The following ALMS1 variants were observed in gnomAD, a reference collection of about 807,000 sequenced individuals.
ALMS1 encodes the protein centrosome-associated protein ALMS1.
Under a neutral mutation model 352.2 loss-of-function variants are expected in ALMS1, and 271 were observed. The observed-to-expected ratio is 0.77, with a 90% CI of 0.70 to 0.85. The LOEUF (loss-of-function observed/expected upper bound fraction) is 0.85, where lower values mean the gene tolerates loss of function less well. ALMS1 is among the 40% of genes least tolerant of loss of function. ALMS1 has a pLI of 0.00. For synonymous variants in ALMS1, 1,865 were observed against 1,761.2 expected, an observed-to-expected ratio of 1.06 and a Z score of -1.48; for missense variants, 5,445 against 4,870.7, an observed-to-expected ratio of 1.12 and a Z score of -3.51.
intron 9 of ALMS1, chr2:73,469,564 A>G (rs909194242): frequency 6.6e-6 from 1 of 151,994 alleles, no homozygotes; most frequent in Admixed American, 6.6e-5. Flanking sequence ...AGAAGCGTGT[A>G]ACAGATTAAA....
intron 11 of ALMS1, among the ~76,000 whole-genome samples, chr2:73,528,206 C>T (rs950636390): frequency 2.6e-5 from 4 of 152,154 alleles, no homozygotes; most frequent in African/African-American, 4.8e-5. Flanking sequence ...GTGCTGAGAA[C>T]AATGTGTATT....
chr2:73,417,477 C>T (rs1671200636), intron 2 of ALMS1, among the ~76,000 whole-genome samples: 1 of 152,058 alleles, frequency 6.6e-6, no homozygotes, highest in Non-Finnish European at 1.5e-5. Flanking sequence ...TTAGTTGTGA[C>T]CATATATGTG....
chr2:73,465,825 G>T (rs1038306326), intron 9 of ALMS1, among the ~76,000 whole-genome samples: 5 of 152,204 alleles, frequency 3.3e-5, no homozygotes, highest in African/African-American at 1.2e-4. Flanking sequence ...GTGGGTGAAG[G>T]ATATGAACAG....
intron 2 of ALMS1, among the ~76,000 whole-genome samples, chr2:73,416,643 C>T (rs1671186642): frequency 1.3e-5 from 2 of 152,056 alleles, no homozygotes; most frequent in African/African-American, 4.8e-5. Flanking sequence ...TAAAAGATAC[C>T]TATATTCTCT....
At chr2:73,602,498 G>T in intron 20 of ALMS1, 130 bp downstream of exon 20, 1 of 1,088,262 alleles carries the variant, frequency 9.2e-7, no homozygotes, top group Non-Finnish European at 1.4e-6. Context: ...TGCTTGCCAA[G>T]ACTCAAACCT....
intron 9 of ALMS1, among the ~76,000 whole-genome samples, chr2:73,486,804 T>G (rs1672857915): frequency 6.6e-6 from 1 of 152,116 alleles, no homozygotes; most frequent in African/African-American, 2.4e-5. Flanking sequence ...ATCCCAGCAC[T>G]TTGGGGAGGC....
intron 2 of ALMS1, among the ~76,000 whole-genome samples, chr2:73,409,113 A>C (rs2103677190): frequency 6.6e-6 from 1 of 152,046 alleles, no homozygotes; most frequent in South Asian, 2.1e-4. Flanking sequence ...TTGGCCTCAA[A>C]TGATCCTTCG....
chr2:73,506,790 G>A (rs1673337030), intron 10 of ALMS1, among the ~76,000 whole-genome samples: 1 of 152,066 alleles, frequency 6.6e-6, no homozygotes, highest in South Asian at 2.1e-4. Flanking sequence ...TTGCCCGATT[G>A]CCCTGGCCAG....
chr2:73,550,833 CATG>C (rs1674414761), intron 13 of ALMS1, among the ~76,000 whole-genome samples: 1 of 151,700 alleles, frequency 6.6e-6, no homozygotes, highest in Admixed American at 6.6e-5. Context: ...ATGTAGCTGA[CATG>C]ATTTTTTTTT....
At chr2:73,596,714 C>T (rs1675557262) in intron 16 of ALMS1, among the ~76,000 whole-genome samples, 1 of 152,072 alleles carries the variant, frequency 6.6e-6, no homozygotes, top group South Asian at 2.1e-4. Context: ...TTGTCATCTG[C>T]CTGCCTTGGC....
chr2:73,599,353 T>C, intron 16 of ALMS1, 48 bp from the exon 17 acceptor site: 1 of 1,606,724 alleles, frequency 6.2e-7, no homozygotes, highest in Non-Finnish European at 8.5e-7. Context: ...TGGATAACTG[T>C]GACATTGACT....
intron 15 of ALMS1, among the ~76,000 whole-genome samples, chr2:73,571,735 GAAA>G (rs756485721): frequency 6.6e-6 from 1 of 151,776 alleles, no homozygotes. Context: ...AAAAAATTTG[GAAA>G]AAAAGTCAAG....
intron 3 of ALMS1, among the ~76,000 whole-genome samples, chr2:73,421,411 T>C (rs1671281604): frequency 6.6e-6 from 1 of 152,148 alleles, no homozygotes; most frequent in Non-Finnish European, 1.5e-5. Flanking sequence ...TTGGGGACTT[T>C]GTTAAAAACT....
intron 9 of ALMS1, among the ~76,000 whole-genome samples, chr2:73,468,608 C>G (rs545012562): frequency 6.6e-6 from 1 of 151,926 alleles, no homozygotes; most frequent in Admixed American, 6.6e-5. Flanking sequence ...ATTTTGATTA[C>G]TCTGAGTACT....
intron 12 of ALMS1, among the ~76,000 whole-genome samples, chr2:73,538,204 A>G (rs1573003274): frequency 6.6e-6 from 1 of 152,148 alleles, no homozygotes; most frequent in East Asian, 1.9e-4. Flanking sequence ...TTACAACTCA[A>G]CAACAATAAC....
intron 1 of ALMS1, among the ~76,000 whole-genome samples, chr2:73,406,305 A>G (rs916710329): frequency 2.0e-5 from 3 of 151,984 alleles, no homozygotes. Context: ...TGTTGCCGCT[A>G]TTGCTCTCTT....
intron 16 of ALMS1, among the ~76,000 whole-genome samples, chr2:73,579,368 T>G (rs144594806): frequency 2.6e-5 from 4 of 151,126 alleles, no homozygotes; most frequent in African/African-American, 9.8e-5. Flanking sequence ...CCTTCTTTTT[T>G]TTTTCTTTTT....
At chr2:73,596,860 CTT>C (rs70965740) in intron 16 of ALMS1, among the ~76,000 whole-genome samples, 26 of 104,244 alleles carry the variant, frequency 2.5e-4, no homozygotes, top group Admixed American at 1.1e-3. Context: ...CCCTCTACCT[CTT>C]TTTTTTTTTT....
At chr2:73,469,276 A>G (rs982049375) in intron 9 of ALMS1, among the ~76,000 whole-genome samples, 2 of 151,994 alleles carry the variant, frequency 1.3e-5, no homozygotes, top group Non-Finnish European at 2.9e-5. Context: ...ATTATAAAAT[A>G]AAATCTATCA....
Sources: gnomAD v4.1 joint callset for allele counts (sites outside exome capture counted in the v4.1 genomes callset) on GRCh38, gnomAD v4.1.1 for gene constraint, MANE v1.5 for transcripts, NCBI Gene and HGNC (gene_info 2026-07-23, HGNC 2026-07-21) for gene names.